SIK3: variants seen among roughly 807,000 people sequenced by gnomAD.
The protein encoded by SIK3 is serine/threonine-protein kinase SIK3.
Under a neutral mutation model 144.2 loss-of-function variants are expected in SIK3, and 28 were observed. The observed-to-expected ratio is 0.19, with a 90% CI of 0.14 to 0.27. The LOEUF is 0.27. Among genes scored for constraint, SIK3 ranks in the 10% least tolerant of loss-of-function variants. SIK3 has a pLI of 1.00. For missense variants in SIK3, 1,319 were observed against 1,776.0 expected (o/e 0.74, Z 4.62); for synonymous variants, 686 against 676.3 (o/e 1.01, Z -0.22).
At chr11:116,910,776 A>T (rs1946297280) in intron 4 of SIK3, among the ~76,000 whole-genome samples, 1 of 152,240 alleles carries the variant, frequency 6.6e-6, no homozygotes, top group African/African-American at 2.4e-5. Flanking sequence ...AAAGGAAAAA[A>T]AATCCAGAAG....
At chr11:116,950,304 T>G in intron 3 of SIK3, 1 of 352,154 alleles carries the variant, frequency 2.8e-6, no homozygotes, top group Non-Finnish European at 5.9e-6. Flanking sequence ...TGAGGAGAAG[T>G]GACAAATAAA....
chr11:117,057,178 C>T (rs974497654), intron 1 of SIK3, among the ~76,000 whole-genome samples: 5 of 152,106 alleles, frequency 3.3e-5, no homozygotes, highest in African/African-American at 4.8e-5. Context: ...TAAGTGTCCA[C>T]AAAATGTGTA....
In SIK3 at chr11:116,873,622, T is replaced by C. The variant is rs752216263; in HGVS notation, c.1596A>G (p.Leu532=). Residue 532 remains leucine (L), a synonymous_variant, in exon 13 of 25, where the codon CTA becomes CTG. Coordinates refer to ENST00000445177, the MANE Select transcript of SIK3 (RefSeq NM_001366686.3). ...GQLEYKEQSL[L]QPPTLQLLNG... is the part of the protein sequence containing the mutation. ...TCAACAGCTGTAGCGTGGGCGGCTG[T>C]AGGAGAGACTGCTCCTGCCAGGAAC... 3.2e-6 allele frequency: 5 copies of C among 1,557,820 alleles called. No homozygotes were observed. The East Asian group carries it at 9.0e-5, about 28-fold the overall frequency.
chr11:117,061,872 A>G (rs1430089233), intron 1 of SIK3, among the ~76,000 whole-genome samples: 1 of 152,254 alleles, frequency 6.6e-6, no homozygotes, highest in Non-Finnish European at 1.5e-5. Context: ...ATCAATTATA[A>G]TAGTTAATGA....
intron 13 of SIK3, among the ~76,000 whole-genome samples, chr11:116,870,715 T>C (rs558052598): frequency 1.3e-5 from 2 of 152,310 alleles, no homozygotes; most frequent in South Asian, 2.1e-4. Context: ...TTTTACAGTC[T>C]AGTAGAGGAT....
chr11:116,970,821 A>AT lies in SIK3; in HGVS notation c.274-13758dup, dbSNP rs997124408. Among the ~76,000 whole-genome samples the AT allele has an allele frequency of 4.0e-5, 6 of 150,172 alleles. No homozygotes were observed. In the South Asian group the frequency reaches 1.3e-3, roughly 32 times the overall value. On this transcript the variant is annotated intron_variant, in intron 1 of 24. Transcript: ENST00000445177. The stretch of plus-strand genomic sequence containing the variant: ...TGTACTACCATGCCCAGCTAAATTA[A>AT]TTTTTTTTAAGAGAAGGGTCTTGCT...
intron 4 of SIK3, among the ~76,000 whole-genome samples, chr11:116,910,889 T>C (rs1489414088): frequency 6.6e-6 from 1 of 152,148 alleles, no homozygotes; most frequent in Non-Finnish European, 1.5e-5. Context: ...AAAGGTTAAG[T>C]AAACACACTT....
chr11:116,941,281 C>T (rs909758087), intron 3 of SIK3, among the ~76,000 whole-genome samples: 1 of 152,130 alleles, frequency 6.6e-6, no homozygotes. Context: ...GCTGGGATTA[C>T]AGGCGTGAGC....
At chr11:116,879,103 G>A (rs548110782) in intron 6 of SIK3, among the ~76,000 whole-genome samples, 1 of 152,246 alleles carries the variant, frequency 6.6e-6, no homozygotes, top group African/African-American at 2.4e-5. Context: ...AGACACTTAG[G>A]AGCTGCATAA....
At chr11:117,035,349 A>G (rs957012189) in intron 1 of SIK3, among the ~76,000 whole-genome samples, 3 of 152,340 alleles carry the variant, frequency 2.0e-5, no homozygotes, top group Middle Eastern at 6.8e-3. Flanking sequence ...GTGTTCAACA[A>G]TCACTCCAAA....
chr11:116,972,098 A>C (rs963230837), intron 1 of SIK3, among the ~76,000 whole-genome samples: 1 of 152,014 alleles, frequency 6.6e-6, no homozygotes, highest in Non-Finnish European at 1.5e-5. Context: ...AAAAAAAAAA[A>C]AAAAGAAAAG....
chr11:116,917,551 T>C (rs568439287), intron 4 of SIK3, among the ~76,000 whole-genome samples: 4 of 151,728 alleles, frequency 2.6e-5, no homozygotes, highest in Non-Finnish European at 5.9e-5. Flanking sequence ...CCACAAAAAA[T>C]TTAAAAATTC....
intron 1 of SIK3, among the ~76,000 whole-genome samples, chr11:116,990,560 A>T (rs991634840): frequency 6.6e-6 from 1 of 152,194 alleles, no homozygotes; most frequent in African/African-American, 2.4e-5. Context: ...TTAAAAAAAG[A>T]AAACATTAAT....
chr11:116,942,291 C>T (rs901370070), intron 3 of SIK3, among the ~76,000 whole-genome samples: 10 of 152,108 alleles, frequency 6.6e-5, no homozygotes, highest in South Asian at 4.1e-4. Context: ...AAAACTTAAA[C>T]GCCATAATCA....
chr11:117,058,718 A>T (rs1028251241), intron 1 of SIK3, among the ~76,000 whole-genome samples: 22 of 152,336 alleles, frequency 1.4e-4, no homozygotes, highest in African/African-American at 5.3e-4. Flanking sequence ...TGAAGGAGAA[A>T]TGAAATCAAC....
At chr11:116,978,340 T>C (rs1950025170) in intron 1 of SIK3, among the ~76,000 whole-genome samples, 1 of 152,178 alleles carries the variant, frequency 6.6e-6, no homozygotes, top group Non-Finnish European at 1.5e-5. Context: ...CAAACCATAG[T>C]TCCTACGTAC....
In SIK3 at chr11:116,988,248, C is replaced by T. The variant is rs983021769; in HGVS notation, c.274-31184G>A. ...TAAAACTACAAAAAATTAGCCGGCA[C>T]GGTGGCAGGCGCCTGTAGTCCCAGC... On this transcript the variant is annotated intron_variant, in intron 1 of 24. Coordinates refer to ENST00000445177, the MANE Select transcript of SIK3 (RefSeq NM_001366686.3). Among the ~76,000 whole-genome samples, 10 of 151,888 alleles carry T rather than the reference C, an allele frequency of 6.6e-5. No homozygotes were observed. The East Asian group carries it at 1.4e-3, about 21-fold the overall frequency.
intron 1 of SIK3, among the ~76,000 whole-genome samples, chr11:117,025,873 A>G (rs138681179): frequency 6.3e-4 from 96 of 152,148 alleles, no homozygotes; most frequent in African/African-American, 2.3e-3. Context: ...TCCCCTGACT[A>G]CCTCTCTAAG....
chr11:117,064,708 A>C (rs1478242436), intron 1 of SIK3, among the ~76,000 whole-genome samples: 1 of 152,234 alleles, frequency 6.6e-6, no homozygotes, highest in Non-Finnish European at 1.5e-5. Context: ...TCTACAGCAA[A>C]GGCAGGGTAA....
Sources: allele counts gnomAD v4.1 joint callset (sites outside exome capture counted in the v4.1 genomes callset), GRCh38; gene constraint gnomAD v4.1.1; transcripts MANE v1.5; gene names NCBI Gene and HGNC (gene_info 2026-07-23, HGNC 2026-07-21).